MAT2B: variants seen among roughly 807,000 people sequenced by gnomAD.
MAT2B encodes the protein methionine adenosyltransferase 2 non-catalytic beta subunit.
Under a neutral mutation model 36.1 loss-of-function variants are expected in MAT2B, and 16 were observed. The ratio of observed to expected loss-of-function variants is 0.44; its 90% CI spans 0.30 to 0.67. The LOEUF (loss-of-function observed/expected upper bound fraction) is 0.67. Ranked by LOEUF, MAT2B falls within the 30% of genes least tolerant of loss-of-function variation. MAT2B has a pLI of 0.09. For missense variants in MAT2B, 332 were observed against 398.2 expected, an observed-to-expected ratio of 0.83 and a Z score of 1.42; for synonymous variants, 148 against 136.9, an observed-to-expected ratio of 1.08 and a Z score of -0.57.
At chr5:163,508,550 T>TA (rs1248211765) in intron 1 of MAT2B, among the ~76,000 whole-genome samples, 3 of 152,224 alleles carry the variant, frequency 2.0e-5, no homozygotes, top group African/African-American at 7.2e-5. Flanking sequence ...AAACTGCTAT[T>TA]AAAAAAACAA....
intron 1 of MAT2B, among the ~76,000 whole-genome samples, chr5:163,507,750 C>T (rs1249002667): frequency 6.6e-6 from 1 of 152,088 alleles, no homozygotes; most frequent in Non-Finnish European, 1.5e-5. Flanking sequence ...AAAGCCTCAA[C>T]AAAACAGTGT....
chr5:163,507,530 A>G (rs536347436), intron 1 of MAT2B, among the ~76,000 whole-genome samples: 5 of 152,312 alleles, frequency 3.3e-5, no homozygotes, highest in African/African-American at 1.2e-4. Flanking sequence ...TTTCCCCCAT[A>G]TAATAAAAAT....
At chr5:163,508,590 ACG>A (rs1287593382) in intron 1 of MAT2B, among the ~76,000 whole-genome samples, 54 of 152,092 alleles carry the variant, frequency 3.6e-4, no homozygotes, top group Non-Finnish European at 6.6e-4. Flanking sequence ...CTTATATAAC[ACG>A]TTAGTTTTCT....
At chr5:163,517,908 A>G (rs1291628765) in intron 6 of MAT2B, 3 of 486,902 alleles carry the variant, frequency 6.2e-6, no homozygotes, top group Non-Finnish European at 1.1e-5. Context: ...TTTTCCAGGG[A>G]TGATCAAATC....
Position 163,518,471 on chromosome 5 carries a change from T to G in MAT2B, c.*108T>G. On this transcript the variant is annotated 3_prime_UTR_variant, in exon 7 of 7. Coordinates refer to ENST00000321757, the MANE Select transcript of MAT2B (RefSeq NM_013283.5). Reference sequence around the variant, plus strand: ...GTATGAGTACTTTAATTGTGACTCTTAGGATCTTTCAGGTAAATGATGCTC... The same window carrying G: ...GTATGAGTACTTTAATTGTGACTCTGAGGATCTTTCAGGTAAATGATGCTC... 1.1e-6 allele frequency: 1 copy of G among 889,748 alleles called. No individual in the cohort carries two copies. Among genetic ancestry groups the G allele is most frequent in the Non-Finnish European group, 1.6e-6 (1 of 611,290 alleles). The allele number at this position is 889,748 out of a possible 1,614,324, so 55.1% of individuals were successfully genotyped here. A position where few individuals can be genotyped will look rare whatever the true frequency, so the allele number is the denominator to read the frequency against.
chr5:163,512,214 T>C lies in MAT2B; in HGVS notation c.258+18T>C. The C allele has an allele frequency of 6.3e-7, 1 of 1,584,314 alleles. No individual in the cohort carries two copies. The highest frequency in any genetic ancestry group is 8.7e-7 in the Non-Finnish European group (1 of 1,153,034). ...ATTTTCAGGTATGATTTAGGTTATT[T>C]TAAGATATACATGAACAATATTAAG... On this transcript the variant is annotated intron_variant, in intron 2 of 6. Transcript: ENST00000321757.
intron 1 of MAT2B, among the ~76,000 whole-genome samples, chr5:163,507,655 C>T (rs1437419054): frequency 6.6e-6 from 1 of 152,162 alleles, no homozygotes; most frequent in Non-Finnish European, 1.5e-5. Flanking sequence ...GACATTTCTT[C>T]CTTGTGCACA....
At chr5:163,516,069 G>A (rs1760128991) in intron 4 of MAT2B, among the ~76,000 whole-genome samples, 1 of 151,954 alleles carries the variant, frequency 6.6e-6, no homozygotes, top group African/African-American at 2.4e-5. Context: ...TTGAGGCAGG[G>A]TCTCACTCTG....
At chr5:163,516,398 T>C (rs1760133735) in intron 4 of MAT2B, 120 bp from the exon 5 acceptor site, 1 of 752,218 alleles carries the variant, frequency 1.3e-6, no homozygotes, top group Non-Finnish European at 2.2e-6. Context: ...GTCATTTTGG[T>C]ATATTTTAAT....
chr5:163,515,163 A>G (rs1324534460), intron 4 of MAT2B, among the ~76,000 whole-genome samples: 2 of 152,236 alleles, frequency 1.3e-5, no homozygotes, highest in Non-Finnish European at 2.9e-5. Flanking sequence ...ATTAAGTTTC[A>G]ACATGAATTT....
rs188916844 is a variant in MAT2B, at chr5:163,507,010, T to C, written c.63+1261T>C. Among the ~76,000 whole-genome samples the C allele has an allele frequency of 3.5e-4, 53 of 152,262 alleles. No homozygotes were observed. The East Asian group carries it at 9.8e-3, about 28-fold the overall frequency. On this transcript the variant is annotated intron_variant, in intron 1 of 6. Coordinates refer to ENST00000321757, the MANE Select transcript of MAT2B (RefSeq NM_013283.5). ...TAGTAATACTGTCTGTGGAGCACAG[T>C]AGCGTCGCAGTAGAAGTTAGACCAA... is the stretch of plus-strand genomic sequence containing the variant.
intron 1 of MAT2B, among the ~76,000 whole-genome samples, chr5:163,509,229 A>T (rs1003192164): frequency 2.6e-5 from 4 of 151,848 alleles, no homozygotes; most frequent in African/African-American, 9.7e-5. Flanking sequence ...AAGTACACAG[A>T]TCTTAATTCA....
At chr5:163,503,480 G>T (rs1167385610), upstream of MAT2B, 1 of 1,507,430 alleles carries the variant, frequency 6.6e-7, no homozygotes, top group African/African-American at 1.4e-5. Flanking sequence ...TGCTTTAAAA[G>T]CATTCCAGTG....
intron 6 of MAT2B, 95 bp downstream of exon 6, chr5:163,517,769 A>C: frequency 2.7e-6 from 2 of 727,714 alleles, no homozygotes; most frequent in Non-Finnish European, 4.8e-6. Flanking sequence ...AATCAAAGTG[A>C]ACTTTGCTTG....
At chr5:163,516,238 C>T (rs1011749504) in intron 4 of MAT2B, among the ~76,000 whole-genome samples, 2 of 151,946 alleles carry the variant, frequency 1.3e-5, no homozygotes, top group Non-Finnish European at 2.9e-5. Context: ...TTTGTAGAGA[C>T]GGAGTTTTGC....
rs768446603 is a variant in MAT2B, at chr5:163,512,189, A to G, written c.251A>G (p.Asp84Gly). Residue 84 changes from aspartate to glycine, a missense_variant, in exon 2 of 7, where the codon GAT (aspartate) becomes GGT (glycine). Coordinates refer to ENST00000321757, the MANE Select transcript of MAT2B (RefSeq NM_013283.5). ...DSNAVHHIIH[D>G]FQPHVIVHCA... ...AATGCAGTTCATCACATCATTCATG[A>G]TTTTCAGGTATGATTTAGGTTATTT... 6 of 1,612,836 alleles carry G rather than the reference A, an allele frequency of 3.7e-6. No homozygotes were observed. In the South Asian group the frequency reaches 5.5e-5, roughly 15 times the overall value.
chr5:163,507,159 C>T (rs544135024), intron 1 of MAT2B, among the ~76,000 whole-genome samples: 61 of 152,258 alleles, frequency 4.0e-4, no homozygotes, highest in African/African-American at 1.2e-3. Context: ...TTTCCAAAAA[C>T]GACAAGGTAT....
At chr5:163,515,848 C>T (rs1458142412) in intron 4 of MAT2B, among the ~76,000 whole-genome samples, 1 of 128,152 alleles carries the variant, frequency 7.8e-6, no homozygotes, top group Non-Finnish European at 1.6e-5. Flanking sequence ...GAACACAGCT[C>T]ACTATAGCCT....
chr5:163,507,962 T>A (rs1039742824), intron 1 of MAT2B, among the ~76,000 whole-genome samples: 16 of 152,358 alleles, frequency 1.1e-4, no homozygotes, highest in African/African-American at 3.8e-4. Context: ...AGTCATTTTG[T>A]CTAAATGCCT....
Sources: gnomAD v4.1 joint callset for allele counts (sites outside exome capture counted in the v4.1 genomes callset) on GRCh38, gnomAD v4.1.1 for gene constraint, MANE v1.5 for transcripts, NCBI Gene and HGNC (gene_info 2026-07-23, HGNC 2026-07-21) for gene names.